The following CADPS variants were observed in gnomAD, a reference collection of about 807,000 sequenced individuals.
The protein encoded by CADPS is calcium dependent secretion activator.
Under a neutral mutation model 167.3 loss-of-function variants are expected in CADPS, and 57 were observed. The observed-to-expected ratio is 0.34, with a 90% CI of 0.28 to 0.42. The LOEUF is 0.42. Among genes scored for constraint, CADPS ranks in the 20% least tolerant of loss-of-function variants. The pLI is 1.00. For missense variants in CADPS, 1,414 were observed against 1,738.1 expected (o/e 0.81, Z 3.32); for synonymous variants, 676 against 635.3 (o/e 1.06, Z -0.96).
At chr3:62,750,904 T>C (rs1264551256) in intron 3 of CADPS, among the ~76,000 whole-genome samples, 2 of 152,258 alleles carry the variant, frequency 1.3e-5, no homozygotes, top group Non-Finnish European at 2.9e-5. Context: ...CCTATACTGC[T>C]GGGAATTAAG....
chr3:62,521,683 G>A (rs959682561), intron 13 of CADPS, among the ~76,000 whole-genome samples: 6 of 152,172 alleles, frequency 3.9e-5, no homozygotes, highest in South Asian at 4.1e-4. Context: ...ACTCTCTCAC[G>A]CTCTCGTGTC....
chr3:62,853,547 C>T (rs2079036568), intron 1 of CADPS, among the ~76,000 whole-genome samples: 1 of 151,218 alleles, frequency 6.6e-6, no homozygotes, highest in Non-Finnish European at 1.5e-5. Flanking sequence ...ATCACTTGAA[C>T]CTTTGAGGCG....
Position 62,601,479 on chromosome 3 carries a change from C to A in CADPS, c.1326-8731G>T, listed in dbSNP as rs1186622554. Among the ~76,000 whole-genome samples, 1 of 152,162 alleles carries A rather than the reference C, an allele frequency of 6.6e-6. No homozygotes were observed. The highest frequency in any genetic ancestry group is 1.5e-5 in the Non-Finnish European group (1 of 68,030). The stretch of plus-strand genomic sequence containing the variant: ...ACTTTTATTTTCATTAGCAGATTAG[C>A]AGAATGCTCATCTGGGCATACCCAC... On this transcript the variant is annotated intron_variant, in intron 6 of 29. Coordinates refer to ENST00000383710, the MANE Select transcript of CADPS (RefSeq NM_003716.4). The surrounding 1 kb of genome is among the most constrained non-coding windows in gnomAD (Gnocchi z 4.3).
intron 2 of CADPS, among the ~76,000 whole-genome samples, chr3:62,762,232 C>T (rs1172753371): frequency 6.6e-6 from 1 of 152,018 alleles, no homozygotes; most frequent in African/African-American, 2.4e-5. Flanking sequence ...CAGCCAACTA[C>T]AGATACAAAA....
chr3:62,708,755 C>G (rs1344185037), intron 3 of CADPS, among the ~76,000 whole-genome samples: 1 of 152,048 alleles, frequency 6.6e-6, no homozygotes, highest in East Asian at 1.9e-4. Context: ...TAATTGCCTC[C>G]ACTGTGGGAT....
At chr3:62,407,429 C>T (rs1331751530) in intron 28 of CADPS, among the ~76,000 whole-genome samples, 1 of 152,180 alleles carries the variant, frequency 6.6e-6, no homozygotes, top group African/African-American at 2.4e-5. Context: ...CCTAGATTTA[C>T]GTCTTGAATT....
At chr3:62,781,335 T>C (rs950679220) in intron 1 of CADPS, among the ~76,000 whole-genome samples, 2 of 152,162 alleles carry the variant, frequency 1.3e-5, no homozygotes, top group African/African-American at 4.8e-5. Flanking sequence ...CTTGAGGCCA[T>C]GTCAGAATGC....
At position 62,446,501 on chromosome 3, in the gene CADPS, C is replaced by T. The variant is rs950605168; in HGVS notation, c.3637-704G>A. 6.6e-6 allele frequency among the ~76,000 whole-genome samples: 1 copy of T among 152,166 alleles called. No individual in the cohort carries two copies. The highest frequency in any genetic ancestry group is 6.5e-5 in the Admixed American group (1 of 15,280). On this transcript the variant is annotated intron_variant, in intron 26 of 29. Transcript: ENST00000383710. The surrounding 1 kb of genome is among the most constrained non-coding windows in gnomAD (Gnocchi z 4.9). ...GTTCGAATCCCAACTCTACCACTTA[C>T]AAGCTGTGTGACCTTGGGCAAGTTG...
At position 62,558,777 on chromosome 3, in the gene CADPS, G is replaced by A. The variant is rs186252784; in HGVS notation, c.1645-1264C>T. ...GTTGGCTCCTGATGGAAACTTTACCGCCCCACTTGGGTTTCTTTATAATGT... is the reference window on the plus strand; with the variant it reads ...GTTGGCTCCTGATGGAAACTTTACCACCCCACTTGGGTTTCTTTATAATGT... On this transcript the variant is annotated intron_variant, in intron 9 of 29. Transcript: ENST00000383710. 7.2e-5 allele frequency among the ~76,000 whole-genome samples: 11 copies of A among 152,226 alleles called. No individual in the cohort carries two copies. The East Asian group carries it at 9.7e-4, about 13-fold the overall frequency.
chr3:62,675,863 C>T (rs1383770382), intron 3 of CADPS, among the ~76,000 whole-genome samples: 3 of 152,030 alleles, frequency 2.0e-5, no homozygotes, highest in African/African-American at 7.2e-5. Context: ...TTCATATTTG[C>T]AAAAGCTAAG....
At chr3:62,785,797 C>T (rs939464473) in intron 1 of CADPS, among the ~76,000 whole-genome samples, 9 of 151,916 alleles carry the variant, frequency 5.9e-5, no homozygotes, top group African/African-American at 2.2e-4. Flanking sequence ...AACACTGAAC[C>T]ATGACCTGTG....
chr3:62,456,017 T>G (rs1175344056), intron 26 of CADPS, among the ~76,000 whole-genome samples: 1 of 152,142 alleles, frequency 6.6e-6, no homozygotes, highest in Non-Finnish European at 1.5e-5. Context: ...CTTTTTTGTT[T>G]TCATTTTCTC....
At chr3:62,871,835 G>A (rs1210865717) in intron 1 of CADPS, among the ~76,000 whole-genome samples, 1 of 152,142 alleles carries the variant, frequency 6.6e-6, no homozygotes, top group Non-Finnish European at 1.5e-5. Flanking sequence ...AGGGAAATTA[G>A]ATATGGAGTA....
chr3:62,843,328 C>CA (rs1387621059), intron 1 of CADPS, among the ~76,000 whole-genome samples: 1 of 152,138 alleles, frequency 6.6e-6, no homozygotes, highest in Non-Finnish European at 1.5e-5. Flanking sequence ...AGTATTTCTG[C>CA]ATTATTAGTG....
chr3:62,688,879 C>T (rs905431130), intron 3 of CADPS, among the ~76,000 whole-genome samples: 1 of 151,904 alleles, frequency 6.6e-6, no homozygotes, highest in Non-Finnish European at 1.5e-5. Context: ...CCACTTTCCA[C>T]AGGGCATCCA....
intron 28 of CADPS, chr3:62,403,427 C>T: frequency 3.3e-6 from 1 of 303,922 alleles, no homozygotes. Flanking sequence ...TCTAATTGAA[C>T]TCTTCCACGA....
intron 13 of CADPS, among the ~76,000 whole-genome samples, chr3:62,530,464 T>G (rs2073386676): frequency 6.6e-6 from 1 of 152,142 alleles, no homozygotes. Context: ...CTGACTCAAA[T>G]TTAGTCCCAA....
chr3:62,657,299 G>T (rs1019565944), intron 4 of CADPS, among the ~76,000 whole-genome samples: 1 of 152,064 alleles, frequency 6.6e-6, no homozygotes, highest in South Asian at 2.1e-4. Flanking sequence ...TTAAAACGAC[G>T]GCTTGAAGAA....
chr3:62,410,427 C>T (rs559342407), intron 28 of CADPS, among the ~76,000 whole-genome samples: 20 of 152,302 alleles, frequency 1.3e-4, no homozygotes, highest in African/African-American at 4.3e-4. Flanking sequence ...TATCATCATC[C>T]ATAGTTTCAC....
Sources: gnomAD v4.1 joint callset for allele counts (sites outside exome capture counted in the v4.1 genomes callset) on GRCh38, gnomAD v4.1.1 for gene constraint, Gnocchi (gnomAD v3.1) non-coding constraint, MANE v1.5 for transcripts, NCBI Gene and HGNC (gene_info 2026-07-23, HGNC 2026-07-21) for gene names.